RFX8: variants seen among roughly 807,000 people sequenced by gnomAD.
RFX8 encodes DNA-binding protein RFX8.
In RFX8, 46 loss-of-function variants were observed where a neutral mutation model predicts 54.6. That is an observed-to-expected ratio of 0.84 (90% confidence interval 0.67 to 1.08). The LOEUF is 1.08. RFX8 is among the 50% of genes least tolerant of loss of function. The pLI is 0.00. For synonymous variants in RFX8, 192 were observed against 209.5 expected (o/e 0.92, Z 0.72); for missense variants, 536 against 562.3 (o/e 0.95, Z 0.47).
At chr2:101,458,265 G>A (rs539847844) in intron 2 of RFX8, among the ~76,000 whole-genome samples, 4 of 152,256 alleles carry the variant, frequency 2.6e-5, no homozygotes, top group African/African-American at 7.2e-5. Flanking sequence ...GACGTTAGCT[G>A]GTTATTTTGC....
In RFX8 at chr2:101,451,023, A is replaced by G. The variant is rs563406255; in HGVS notation, c.72+15754T>C. The stretch of plus-strand genomic sequence containing the variant: ...GCCCCCCGACCCCCCAGCACCCATT[A>G]ACCTTTTTCAGGTGAAGGGAAAATG... On this transcript the variant is annotated intron_variant, in intron 2 of 11. Coordinates refer to ENST00000428343, the MANE Select transcript of RFX8 (RefSeq NM_001145664.2). Among the ~76,000 whole-genome samples, 409 of 151,914 alleles carry G rather than the reference A, an allele frequency of 2.7e-3. 1 individual carries two copies. The highest frequency in any genetic ancestry group is 4.5e-3 in the Non-Finnish European group (305 of 67,968).
chr2:101,429,005 G>T, intron 2 of RFX8: 1 of 1,531,260 alleles, frequency 6.5e-7, no homozygotes, highest in Non-Finnish European at 8.8e-7. Flanking sequence ...TTTTTCAAAG[G>T]CAATGGCATC....
At position 101,439,120 on chromosome 2, in the gene RFX8, G is replaced by A. The variant is rs562425559; in HGVS notation, c.73-16648C>T. ...GAGCCACCACGCCCGGCCTCATTGTGGTTTTAATTTGTATTTCCACAGTGA... is the reference window on the plus strand; with the variant it reads ...GAGCCACCACGCCCGGCCTCATTGTAGTTTTAATTTGTATTTCCACAGTGA... On this transcript the variant is annotated intron_variant, in intron 2 of 11. Transcript: ENST00000428343. Among the ~76,000 whole-genome samples, 232 of 152,220 alleles carry A rather than the reference G, an allele frequency of 1.5e-3. 1 individual carries two copies. Among genetic ancestry groups the A allele is most frequent in the African/African-American group, 5.3e-3 (219 of 41,544 alleles).
At chr2:101,441,781 T>G (rs543131498) in intron 2 of RFX8, among the ~76,000 whole-genome samples, 174 of 152,210 alleles carry the variant, frequency 1.1e-3, no homozygotes, top group Non-Finnish European at 2.0e-3. Flanking sequence ...AACCTGCCTA[T>G]GTCACTGAAT....
chr2:101,433,843 C>T (rs1375404574), intron 2 of RFX8, among the ~76,000 whole-genome samples: 6 of 152,164 alleles, frequency 3.9e-5, no homozygotes, highest in Non-Finnish European at 7.3e-5. Context: ...CGTAACTCTT[C>T]CTCAAAGCAC....
chr2:101,450,594 C>T lies in RFX8; in HGVS notation c.72+16183G>A, dbSNP rs183515011. ...AAGTGCCAAAATGATAGCTACTAAC[C>T]TGTGATACCTTTTTTCACCTATCAG... is the stretch of plus-strand genomic sequence containing the variant. On this transcript the variant is annotated intron_variant, in intron 2 of 11. Transcript: ENST00000428343. 15 of 1,452,672 alleles carry T rather than the reference C, an allele frequency of 1.0e-5. No individual in the cohort carries two copies. In the Admixed American group the frequency reaches 2.2e-4, roughly 21 times the overall value. The allele number at this position is 1,452,672 out of a possible 1,614,324, so 90.0% of individuals were successfully genotyped here. A position where few individuals can be genotyped will look rare whatever the true frequency, so the allele number is the denominator to read the frequency against.
chr2:101,469,109 TGTATATATATATAA>T (rs1278962631), intron 1 of RFX8, among the ~76,000 whole-genome samples: 1,334 of 26,032 alleles, frequency 0.051, 68 homozygotes, highest in Non-Finnish European at 0.1. Context: ...TATATATAAG[TGTATATATATATAA>T]GTATATATAT....
chr2:101,441,086 C>T (rs1308637055), intron 2 of RFX8, among the ~76,000 whole-genome samples: 1 of 151,754 alleles, frequency 6.6e-6, no homozygotes, highest in Admixed American at 6.6e-5. Flanking sequence ...CCTGCCTCAG[C>T]CTTCCGAGTA....
At chr2:101,467,338 G>A (rs370252188) in intron 1 of RFX8, among the ~76,000 whole-genome samples, 8 of 152,244 alleles carry the variant, frequency 5.3e-5, no homozygotes, top group South Asian at 2.1e-4. Context: ...GCAGGTGACC[G>A]CAGGGGCCAG....
chr2:101,418,823 T>C (rs1326460878), intron 5 of RFX8, 28 bp downstream of exon 5: 2 of 1,390,112 alleles, frequency 1.4e-6, no homozygotes, highest in African/African-American at 2.9e-5. Context: ...GCAAAGGATA[T>C]ACTCTAGAGA....
intron 1 of RFX8, chr2:101,474,139 C>A: frequency 3.5e-6 from 2 of 573,604 alleles, no homozygotes; most frequent in Non-Finnish European, 3.1e-6. Context: ...GTAGCGGGAA[C>A]CACGCTTCCC....
At chr2:101,462,052 T>TA (rs971176795) in intron 2 of RFX8, among the ~76,000 whole-genome samples, 12 of 152,206 alleles carry the variant, frequency 7.9e-5, no homozygotes, top group Non-Finnish European at 1.6e-4. Flanking sequence ...GGATCTATCC[T>TA]AAAAAAATGA....
intron 2 of RFX8, among the ~76,000 whole-genome samples, chr2:101,458,846 A>C (rs921151358): frequency 6.6e-6 from 1 of 152,230 alleles, no homozygotes; most frequent in Non-Finnish European, 1.5e-5. Context: ...TTTCAGGTAC[A>C]TCAATCAACA....
chr2:101,451,582 G>A (rs566242947), intron 2 of RFX8, among the ~76,000 whole-genome samples: 1 of 151,584 alleles, frequency 6.6e-6, no homozygotes, highest in Non-Finnish European at 1.5e-5. Flanking sequence ...CCAGCTACTC[G>A]GGAGGCTGAG....
At position 101,402,480 on chromosome 2, in the gene RFX8, G is replaced by C; in HGVS notation, c.1201C>G (p.Leu401Val). 1 of 1,551,634 alleles carries C rather than the reference G, an allele frequency of 6.4e-7. No homozygotes were observed. The highest frequency in any genetic ancestry group is 8.7e-7 in the Non-Finnish European group (1 of 1,146,884). Residue 401 changes from leucine (L) to valine (V), a missense_variant, in exon 11 of 12, where the codon CTC becomes GTC. Coordinates refer to ENST00000428343, the MANE Select transcript of RFX8 (RefSeq NM_001145664.2). ...RYPVGVSNMV[L>V]RILGFLVDTA... Reference sequence around the variant, plus strand: ...TCCACCAGGAAGCCCAGGATCCTGAGGACCATGTTGCTCACACCCACGGGA... The same window carrying C: ...TCCACCAGGAAGCCCAGGATCCTGACGACCATGTTGCTCACACCCACGGGA...
chr2:101,465,424 C>T (rs771284830), intron 2 of RFX8, among the ~76,000 whole-genome samples: 6 of 152,138 alleles, frequency 3.9e-5, no homozygotes, highest in Non-Finnish European at 7.3e-5. Context: ...GCACGGGAAT[C>T]GCTTGAACTC....
At chr2:101,410,387 ACACT>A (rs900784577) in intron 9 of RFX8, among the ~76,000 whole-genome samples, 18 of 41,870 alleles carry the variant, frequency 4.3e-4, no homozygotes, top group African/African-American at 1.8e-3. Context: ...ACATATGCCC[ACACT>A]CACACACACA....
intron 2 of RFX8, 112 bp downstream of exon 2, chr2:101,466,665 G>A: frequency 1.3e-6 from 1 of 793,250 alleles, no homozygotes; most frequent in South Asian, 1.5e-5. Context: ...GGAAGCCAAA[G>A]ATACCCACTG....
intron 5 of RFX8, 108 bp from the exon 6 acceptor site, chr2:101,417,792 T>A: frequency 2.3e-6 from 2 of 861,406 alleles, no homozygotes; most frequent in South Asian, 4.2e-5. Context: ...TGAGAGCGGG[T>A]CCCCACCCAG....
Sources: allele counts gnomAD v4.1 joint callset (sites outside exome capture counted in the v4.1 genomes callset), GRCh38; gene constraint gnomAD v4.1.1; transcripts MANE v1.5; gene names NCBI Gene and HGNC (gene_info 2026-07-23, HGNC 2026-07-21).